The following ATP9B variants were observed in gnomAD, a reference collection of about 807,000 sequenced individuals.
ATP9B encodes the protein ATPase phospholipid transporting 9B.
Under a neutral mutation model 146.1 loss-of-function variants are expected in ATP9B, and 110 were observed. The observed-to-expected ratio is 0.75, with a 90% CI of 0.65 to 0.88. The LOEUF (loss-of-function observed/expected upper bound fraction) is 0.88. Among genes scored for constraint, ATP9B ranks in the 40% least tolerant of loss-of-function variants. The probability of loss-of-function intolerance (pLI) is 0.00; values close to 1 mark genes in which losing one functional copy is unlikely to be tolerated. For synonymous variants in ATP9B, 604 were observed against 569.7 expected (o/e 1.06, Z -0.86); for missense variants, 1,499 against 1,496.4 (o/e 1.00, Z -0.03).
At chr18:79,328,563 A>T (rs2147096208) in intron 15 of ATP9B, among the ~76,000 whole-genome samples, 1 of 152,326 alleles carries the variant, frequency 6.6e-6, no homozygotes, top group Non-Finnish European at 1.5e-5. Context: ...ACCTGGCCAC[A>T]GGAGTTCCGA....
At position 79,347,807 on chromosome 18, in the gene ATP9B, T is replaced by C; in HGVS notation, c.2720T>C (p.Ile907Thr). 1 of 1,607,520 alleles carries C rather than the reference T, an allele frequency of 6.2e-7. No individual in the cohort carries two copies. The highest frequency in any genetic ancestry group is 8.5e-7 in the Non-Finnish European group (1 of 1,175,672). ...KQASLAADFS[I>T]TQFRHIGRLL... is the part of the protein sequence containing the mutation. ...GCCTCGCTGGCGGCCGACTTCTCCATCACGCAGTTCCGGCACATAGGCAGG... is the reference window on the plus strand; with the variant it reads ...GCCTCGCTGGCGGCCGACTTCTCCACCACGCAGTTCCGGCACATAGGCAGG... Residue 907 changes from isoleucine to threonine, a missense_variant, in exon 24 of 30, where the codon ATC becomes ACC. Ile to Thr is a moderately conservative substitution (Grantham distance 89). Coordinates refer to ENST00000426216, the MANE Select transcript of ATP9B (RefSeq NM_198531.5).
At chr18:79,233,553 G>A (rs749612297) in intron 11 of ATP9B, among the ~76,000 whole-genome samples, 7 of 152,194 alleles carry the variant, frequency 4.6e-5, no homozygotes, top group Non-Finnish European at 8.8e-5. Context: ...AAAGGCACAC[G>A]CATGACACTT....
chr18:79,306,411 G>A (rs1332995768), intron 14 of ATP9B, among the ~76,000 whole-genome samples: 1 of 152,194 alleles, frequency 6.6e-6, no homozygotes, highest in East Asian at 1.9e-4. Flanking sequence ...AAGAGAGCAG[G>A]ATTCTGAGAT....
intron 15 of ATP9B, among the ~76,000 whole-genome samples, chr18:79,318,454 A>G (rs1335442400): frequency 6.6e-6 from 1 of 152,228 alleles, no homozygotes; most frequent in Non-Finnish European, 1.5e-5. Flanking sequence ...TTAACAAAAT[A>G]CCCGACCAGT....
At chr18:79,245,626 G>GC (rs2095941161) in intron 11 of ATP9B, among the ~76,000 whole-genome samples, 8 of 98,810 alleles carry the variant, frequency 8.1e-5, no homozygotes, top group Non-Finnish European at 1.2e-4. Context: ...CTACTGACTG[G>GC]GGAGGGTACC....
At chr18:79,096,674 T>G (rs769292740) in intron 2 of ATP9B, 25 bp downstream of exon 2, 1 of 1,584,886 alleles carries the variant, frequency 6.3e-7, no homozygotes. Context: ...GCTACCTAAT[T>G]TCCTTATATG....
chr18:79,351,503 T>C (rs2096922245), intron 25 of ATP9B, among the ~76,000 whole-genome samples: 1 of 152,222 alleles, frequency 6.6e-6, no homozygotes, highest in Non-Finnish European at 1.5e-5. Flanking sequence ...TGAGTTTGCC[T>C]TCACCTAGGA....
intron 1 of ATP9B, among the ~76,000 whole-genome samples, chr18:79,070,982 T>C (rs2071673108): frequency 6.6e-6 from 1 of 152,030 alleles, no homozygotes; most frequent in Non-Finnish European, 1.5e-5. Flanking sequence ...ACTGATATGT[T>C]AGAATATAAG....
chr18:79,233,908 GA>G (rs2095815245), intron 11 of ATP9B, among the ~76,000 whole-genome samples: 1 of 152,164 alleles, frequency 6.6e-6, no homozygotes, highest in South Asian at 2.1e-4. Flanking sequence ...AAAATCATAA[GA>G]GGGAAAAGTT....
At chr18:79,092,436 CAA>C (rs1300452365) in intron 1 of ATP9B, among the ~76,000 whole-genome samples, 1 of 152,052 alleles carries the variant, frequency 6.6e-6, no homozygotes, top group Non-Finnish European at 1.5e-5. Context: ...ATACAGGACA[CAA>C]ATTTACAGTG....
chr18:79,240,616 A>G (rs2095878731), intron 11 of ATP9B, among the ~76,000 whole-genome samples: 1 of 152,166 alleles, frequency 6.6e-6, no homozygotes, highest in African/African-American at 2.4e-5. Flanking sequence ...GTGGTGGTGC[A>G]TGCCTGTAAT....
intron 7 of ATP9B, among the ~76,000 whole-genome samples, chr18:79,165,220 G>C (rs955199733): frequency 6.6e-6 from 1 of 152,168 alleles, no homozygotes; most frequent in South Asian, 2.1e-4. Flanking sequence ...TCAGTTACAG[G>C]GCTGGTGTTC....
intron 15 of ATP9B, among the ~76,000 whole-genome samples, chr18:79,327,549 TG>T (rs2096757941): frequency 1.5e-5 from 2 of 135,782 alleles, no homozygotes; most frequent in African/African-American, 2.8e-5. Flanking sequence ...GTGCTCTCCG[TG>T]GTTAGCGTGC....
intron 1 of ATP9B, among the ~76,000 whole-genome samples, chr18:79,076,505 T>A (rs901333971): frequency 1.3e-5 from 2 of 152,248 alleles, no homozygotes; most frequent in African/African-American, 4.8e-5. Context: ...TGCTTTCTGA[T>A]GAGAAATCTG....
At chr18:79,190,159 G>T (rs1256298174) in intron 8 of ATP9B, among the ~76,000 whole-genome samples, 2 of 152,194 alleles carry the variant, frequency 1.3e-5, no homozygotes, top group East Asian at 3.8e-4. Flanking sequence ...TCACTCGGCT[G>T]CAGATGGTGT....
chr18:79,102,939 G>A (rs1434349990), intron 2 of ATP9B, among the ~76,000 whole-genome samples: 1 of 152,196 alleles, frequency 6.6e-6, no homozygotes, highest in Non-Finnish European at 1.5e-5. Flanking sequence ...TTGCTAGTGT[G>A]TAGAAATACA....
intron 17 of ATP9B, among the ~76,000 whole-genome samples, chr18:79,331,614 C>T (rs1239596166): frequency 2.6e-5 from 4 of 151,756 alleles, no homozygotes; most frequent in African/African-American, 7.3e-5. Flanking sequence ...TTATTAAAAA[C>T]GAAATGAGGC....
chr18:79,121,404 T>G (rs1363086850), intron 4 of ATP9B, among the ~76,000 whole-genome samples: 1 of 152,188 alleles, frequency 6.6e-6, no homozygotes, highest in Non-Finnish European at 1.5e-5. Flanking sequence ...AGCAGTGTTA[T>G]AGCATAAATC....
chr18:79,259,613 C>CCTGGGTCT (rs1255592249), intron 12 of ATP9B, among the ~76,000 whole-genome samples: 1 of 152,144 alleles, frequency 6.6e-6, no homozygotes, highest in Non-Finnish European at 1.5e-5. Context: ...GTCTAGCCTC[C>CCTGGGTCT]AACCCAGTGA....
Sources: allele counts gnomAD v4.1 joint callset (sites outside exome capture counted in the v4.1 genomes callset), GRCh38; gene constraint gnomAD v4.1.1; transcripts MANE v1.5; gene names NCBI Gene and HGNC (gene_info 2026-07-23, HGNC 2026-07-21).